The following IPO13 variants were observed in gnomAD, a reference collection of about 807,000 sequenced individuals.
IPO13 encodes importin 13.
In IPO13, 28 loss-of-function variants were observed where a neutral mutation model predicts 115.5. That is an observed-to-expected ratio of 0.24 (90% CI 0.18 to 0.33). The LOEUF is 0.33. Among genes scored for constraint, IPO13 ranks in the 10% least tolerant of loss-of-function variants. The probability of loss-of-function intolerance (pLI) is 1.00; values close to 1 mark genes in which losing one functional copy is unlikely to be tolerated. For missense variants in IPO13, 785 were observed against 1,204.6 expected (o/e 0.65, Z 5.16); for synonymous variants, 414 against 478.9 (o/e 0.86, Z 1.77).
In IPO13 at chr1:43,947,584, C is replaced by G; in HGVS notation, c.-17C>G. On this transcript the variant is annotated 5_prime_UTR_variant, in exon 1 of 20. Transcript: ENST00000372343. ...AGACAGATCAGGGCCCACCTCCCTG[C>G]CAGGGAGGGAGCAAAGATGGAGCGG... 1.6e-6 allele frequency: 2 copies of G among 1,274,768 alleles called. No individual in the cohort carries two copies. The highest frequency in any genetic ancestry group is 2.0e-6 in the Non-Finnish European group (2 of 993,902). The allele number at this position is 1,274,768 out of a possible 1,614,324, so 79.0% of individuals were successfully genotyped here. A position where few individuals can be genotyped will look rare whatever the true frequency, so the allele number is the denominator to read the frequency against.
rs372429276 is a variant in IPO13, at chr1:43,962,773, A to G, written c.2345-1496A>G. ...GTGCTTCTAACTGTACTGAAACTGCATCCCATACACACTGCTGACACAGCA... is the reference window on the plus strand; with the variant it reads ...GTGCTTCTAACTGTACTGAAACTGCGTCCCATACACACTGCTGACACAGCA... On this transcript the variant is annotated intron_variant, in intron 14 of 19. Coordinates refer to ENST00000372343, the MANE Select transcript of IPO13 (RefSeq NM_014652.4). Among the ~76,000 whole-genome samples the G allele has an allele frequency of 1.8e-4, 27 of 152,344 alleles. No homozygotes were observed. The East Asian group carries it at 3.3e-3, about 19-fold the overall frequency.
chr1:43,947,611 G>C lies in IPO13; in HGVS notation c.11G>C (p.Arg4Pro). 2 of 1,315,990 alleles carry C rather than the reference G, an allele frequency of 1.5e-6. No homozygotes were observed. Among genetic ancestry groups the C allele is most frequent in the South Asian group, 4.5e-5 (2 of 44,208 alleles). The allele number at this position is 1,315,990 out of a possible 1,614,324, so 81.5% of individuals were successfully genotyped here. ...AGGGAGGGAGCAAAGATGGAGCGGCGGGAGGAGCAGCCGGGGGCTGCAGGG... is the reference window on the plus strand; with the variant it reads ...AGGGAGGGAGCAAAGATGGAGCGGCCGGAGGAGCAGCCGGGGGCTGCAGGG... MER[R>P]EEQPGAAGAG... Residue 4 changes from arginine to proline, a missense_variant, in exon 1 of 20, where the codon CGG (arginine) becomes CCG (proline). Around this residue, in one of 3 missense-constraint regions of IPO13, gnomAD observed 325 missense variants for 449.8 expected, o/e 0.72. Coordinates refer to ENST00000372343, the MANE Select transcript of IPO13 (RefSeq NM_014652.4).
rs772730287 is a variant in IPO13, at chr1:43,957,239, G to C, written c.1316G>C (p.Gly439Ala). Residue 439 changes from glycine (G) to alanine (A), a missense_variant, in exon 6 of 20, where the codon GGG becomes GCG. By Grantham distance (60) the Gly-to-Ala change is moderately conservative. Coordinates refer to ENST00000372343, the MANE Select transcript of IPO13 (RefSeq NM_014652.4). ...DTLMYVYEML[G>A]AELLSNLYDK... ...CTCATGTATGTCTATGAGATGTTGG[G>C]GGCCGAGCTGCTCAGCAACCTCTAT... The C allele has an allele frequency of 1.2e-6, 2 of 1,614,028 alleles. No individual in the cohort carries two copies. The highest frequency in any genetic ancestry group is 1.7e-6 in the Non-Finnish European group (2 of 1,179,996).
At position 43,967,383 on chromosome 1, in the gene IPO13, G is replaced by C. The variant is rs34392712; in HGVS notation, c.2682G>C (p.Lys894Asn). The C allele has an allele frequency of 6.2e-7, 1 of 1,614,128 alleles. No homozygotes were observed. The highest frequency in any genetic ancestry group is 1.7e-5 in the Admixed American group (1 of 60,030). The change falls in exon 19 of 20, where the codon AAG becomes AAC. Residue 894 changes from lysine to asparagine, a missense_variant. By Grantham distance (94) the Lys-to-Asn change is moderately conservative. Around this residue, in one of 3 missense-constraint regions of IPO13, gnomAD observed 285 missense variants for 394.8 expected, o/e 0.72. Transcript: ENST00000372343. The surrounding 1 kb of genome is among the most constrained non-coding windows in gnomAD (Gnocchi z 6.1). ...CFADILFALN[K>N]HCFSLLSMWI... is the part of the protein sequence containing the mutation. Reference sequence around the variant, plus strand: ...CCGATATCCTGTTCGCCCTGAACAAGCACTGCTTCAGCCTCCTGAGCATGT... The same window carrying C: ...CCGATATCCTGTTCGCCCTGAACAACCACTGCTTCAGCCTCCTGAGCATGT...
chr1:43,950,283 A>G, intron 2 of IPO13, 130 bp downstream of exon 2: 2 of 1,054,398 alleles, frequency 1.9e-6, no homozygotes, highest in Non-Finnish European at 2.7e-6. Flanking sequence ...ACAGCAAGGA[A>G]CCAAAGAAGA....
chr1:43,963,196 T>C (rs1490802434), intron 14 of IPO13, among the ~76,000 whole-genome samples: 1 of 152,208 alleles, frequency 6.6e-6, no homozygotes, highest in Non-Finnish European at 1.5e-5. Flanking sequence ...TTGCGCAAGA[T>C]CACACAGCTA....
intron 2 of IPO13, among the ~76,000 whole-genome samples, chr1:43,950,482 GTCA>G (rs1189904761): frequency 6.6e-6 from 1 of 152,138 alleles, no homozygotes; most frequent in Non-Finnish European, 1.5e-5. Flanking sequence ...AGTCCAAGCT[GTCA>G]TCATCTCTCT....
Position 43,967,538 on chromosome 1 carries a change from G to A in IPO13, c.2795+42G>A, listed in dbSNP as rs989854944. 1.9e-6 allele frequency: 3 copies of A among 1,614,006 alleles called. No homozygotes were observed. Among genetic ancestry groups the A allele is most frequent in the East Asian group, 2.2e-5 (1 of 44,892 alleles). On this transcript the variant is annotated intron_variant, in intron 19 of 19. Transcript: ENST00000372343. This position sits in a 1 kb window ranked among gnomAD's most constrained non-coding sequence, Gnocchi z 6.1. ...TGGGCCTGGGGTCAGGCAGAGAGGG[G>A]GCAGTGGTGGTGGCTGGTGCTAACC...
chr1:43,957,151 G>A (rs2085256549), intron 5 of IPO13, 44 bp from the exon 6 acceptor site: 1 of 1,600,520 alleles, frequency 6.2e-7, no homozygotes, highest in African/African-American at 1.3e-5. Flanking sequence ...CAGGATCCAG[G>A]GTCAGGATCC....
At position 43,950,057 on chromosome 1, in the gene IPO13, T is replaced by C; in HGVS notation, c.725T>C (p.Leu242Pro). 1 of 1,613,822 alleles carries C rather than the reference T, an allele frequency of 6.2e-7. No homozygotes were observed. Among genetic ancestry groups the C allele is most frequent in the South Asian group, 1.1e-5 (1 of 91,058 alleles). Residue 242 changes from leucine to proline, a missense_variant, in exon 2 of 20, where the codon CTC (leucine) becomes CCC (proline). Coordinates refer to ENST00000372343, the MANE Select transcript of IPO13 (RefSeq NM_014652.4). ...LEVPLQDCEA[L>P]IQAAFAALQD... is the part of the protein sequence containing the mutation. Reference sequence around the variant, plus strand: ...GTGCCGCTGCAGGACTGTGAGGCGCTCATTCAGGCTGCCTTTGCTGCTCTG... The same window carrying C: ...GTGCCGCTGCAGGACTGTGAGGCGCCCATTCAGGCTGCCTTTGCTGCTCTG...
In IPO13 at chr1:43,958,725, T is replaced by C. The variant is rs763046981; in HGVS notation, c.1885-21T>C. On this transcript the variant is annotated intron_variant, in intron 10 of 19. Coordinates refer to ENST00000372343, the MANE Select transcript of IPO13 (RefSeq NM_014652.4). This position sits in a 1 kb window ranked among gnomAD's most constrained non-coding sequence, Gnocchi z 6.3. ...AAACTGGGGCTGGGAGATCTGGAGC[T>C]TGGTTTGCTTCTCCCTGCAGCCCAA... 3 of 1,613,844 alleles carry C rather than the reference T, an allele frequency of 1.9e-6. No homozygotes were observed. In the African/African-American group the frequency reaches 4.0e-5, roughly 22 times the overall value.
intron 1 of IPO13, among the ~76,000 whole-genome samples, chr1:43,948,264 C>T (rs1319801605): frequency 6.6e-6 from 1 of 152,144 alleles, no homozygotes; most frequent in Admixed American, 6.5e-5. Context: ...CAGGGCTCCT[C>T]CCTACTCGCC....
chr1:43,967,275 G>A lies in IPO13; in HGVS notation c.2614-40G>A. 5 of 1,594,522 alleles carry A rather than the reference G, an allele frequency of 3.1e-6. No individual in the cohort carries two copies. Among genetic ancestry groups the A allele is most frequent in the Non-Finnish European group, 4.3e-6 (5 of 1,165,818 alleles). Reference sequence around the variant, plus strand: ...CATTCTTGCTGCAGAAGCGGCGGAAGGGGCAACACCCTGGTGTGCTGAGAA... The same window carrying A: ...CATTCTTGCTGCAGAAGCGGCGGAAAGGGCAACACCCTGGTGTGCTGAGAA... On this transcript the variant is annotated intron_variant, in intron 18 of 19. Transcript: ENST00000372343. The surrounding 1 kb of genome is among the most constrained non-coding windows in gnomAD (Gnocchi z 6.1).
intron 1 of IPO13, among the ~76,000 whole-genome samples, chr1:43,948,415 G>A (rs141517538): frequency 7.2e-5 from 11 of 152,388 alleles, no homozygotes; most frequent in African/African-American, 2.4e-4. Flanking sequence ...GGATGAATGG[G>A]GAGATGGGGC....
intron 15 of IPO13, among the ~76,000 whole-genome samples, chr1:43,965,097 G>T (rs547213075): frequency 6.6e-6 from 1 of 152,192 alleles, no homozygotes; most frequent in East Asian, 1.9e-4. Flanking sequence ...AGGTGTGTGT[G>T]TTGGGTTGTC....
Position 43,967,512 on chromosome 1 carries a change from G to T in IPO13, c.2795+16G>T. 1 of 1,614,168 alleles carries T rather than the reference G, an allele frequency of 6.2e-7. No homozygotes were observed. The highest frequency in any genetic ancestry group is 8.5e-7 in the Non-Finnish European group (1 of 1,179,984). ...AGATCCTTCGGTGAGCAGAGCTGGG[G>T]TGGGCCTGGGGTCAGGCAGAGAGGG... On this transcript the variant is annotated intron_variant, in intron 19 of 19. Transcript: ENST00000372343. This position sits in a 1 kb window ranked among gnomAD's most constrained non-coding sequence, Gnocchi z 6.1.
chr1:43,956,591 A>T lies in IPO13; in HGVS notation c.994A>T (p.Ser332Cys). 1 of 1,614,192 alleles carries T rather than the reference A, an allele frequency of 6.2e-7. No individual in the cohort carries two copies. ...ALLDQVEHWQ[S>C]FLALVNMIMF... Reference sequence around the variant, plus strand: ...GCTGGACCAAGTAGAGCACTGGCAGAGTTTCCTGGCACTCGTCAACATGAT... The same window carrying T: ...GCTGGACCAAGTAGAGCACTGGCAGTGTTTCCTGGCACTCGTCAACATGAT... The change falls in exon 4 of 20, where the codon AGT becomes TGT. Residue 332 changes from serine (S) to cysteine (C), a missense_variant. Physicochemically the swap from Ser to Cys is moderately radical, Grantham distance 112. This residue lies in a region of IPO13 where 325 missense variants were observed against 449.8 expected (regional missense o/e 0.72). Transcript: ENST00000372343. The surrounding 1 kb of genome is among the most constrained non-coding windows in gnomAD (Gnocchi z 4.7).
In IPO13 at chr1:43,956,051, T is replaced by A. The variant is rs544227272; in HGVS notation, c.822-269T>A. 6.7e-5 allele frequency among the ~76,000 whole-genome samples: 10 copies of A among 150,022 alleles called. No individual in the cohort carries two copies. The South Asian group carries it at 1.9e-3, about 29-fold the overall frequency. On this transcript the variant is annotated intron_variant, in intron 2 of 19. Transcript: ENST00000372343. The surrounding 1 kb of genome is among the most constrained non-coding windows in gnomAD (Gnocchi z 4.7). ...AATCTTAACCCATTCCGGAATCAGC[T>A]CTCAGTCCAACTGGAGAACACAATT...
intron 2 of IPO13, among the ~76,000 whole-genome samples, chr1:43,955,063 T>G (rs977378960): frequency 6.6e-6 from 1 of 152,168 alleles, no homozygotes; most frequent in Non-Finnish European, 1.5e-5. Context: ...ACCTGAGAGG[T>G]GTCTTTATTC....
Sources: gnomAD v4.1 joint callset for allele counts (sites outside exome capture counted in the v4.1 genomes callset) on GRCh38, gnomAD v4.1.1 for gene constraint, gnomAD v4.1.1 regional missense constraint, Gnocchi (gnomAD v3.1) non-coding constraint, MANE v1.5 for transcripts, NCBI Gene and HGNC (gene_info 2026-07-23, HGNC 2026-07-21) for gene names.